NAALADL2: variants seen among roughly 807,000 people sequenced by gnomAD.
NAALADL2 encodes N-acetylated alpha-linked acidic dipeptidase like 2, also known as inactive N-acetylated-alpha-linked acidic dipeptidase-like protein 2.
Under a neutral mutation model 87.2 loss-of-function variants are expected in NAALADL2, and 76 were observed. The ratio of observed to expected loss-of-function variants is 0.87; its 90% CI spans 0.72 to 1.05. The LOEUF (loss-of-function observed/expected upper bound fraction) is 1.05. NAALADL2 is among the 50% of genes least tolerant of loss of function. The pLI is 0.00. For synonymous variants in NAALADL2, 354 were observed against 331.0 expected (o/e 1.07, Z -0.75); for missense variants, 1,089 against 945.8 (o/e 1.15, Z -1.99).
chr3:175,547,625 C>T (rs1344078815), intron 9 of NAALADL2, among the ~76,000 whole-genome samples: 2 of 152,038 alleles, frequency 1.3e-5, no homozygotes, highest in East Asian at 1.9e-4. Context: ...AATAGACAAC[C>T]TGAAGAATGG....
chr3:175,698,948 T>A (rs992366418), intron 11 of NAALADL2, among the ~76,000 whole-genome samples: 1 of 152,098 alleles, frequency 6.6e-6, no homozygotes, highest in South Asian at 2.1e-4. Flanking sequence ...AATTCAGTAA[T>A]ATACAACAAC....
intron 1 of NAALADL2, among the ~76,000 whole-genome samples, chr3:174,932,154 C>T (rs1007295629): frequency 4.6e-5 from 7 of 152,130 alleles, no homozygotes; most frequent in Non-Finnish European, 8.8e-5. Context: ...TGCAGTGTTT[C>T]TTTCACCATA....
intron 1 of NAALADL2, chr3:174,536,634 A>G (rs1308557790): frequency 6.6e-6 from 1 of 152,166 alleles, no homozygotes; most frequent in Non-Finnish European, 1.5e-5. Flanking sequence ...TCCCAGCTGG[A>G]CGTTCAAAAT....
rs534570649 is a variant in NAALADL2, at chr3:174,590,339, A to G, written c.-115+39702A>G. On this transcript the variant is annotated intron_variant, in intron 2 of 3. Transcript: ENST00000434257. ...TCTGCCTTTTATCCTGGTATTTAAA[A>G]TAATGTAGTATTTAGCATCTATGCA... Among the ~76,000 whole-genome samples, 7 of 152,290 alleles carry G rather than the reference A, an allele frequency of 4.6e-5. No homozygotes were observed. The South Asian group carries it at 1.2e-3, about 27-fold the overall frequency.
At chr3:175,176,695 G>A (rs533679173) in intron 2 of NAALADL2, among the ~76,000 whole-genome samples, 49 of 152,176 alleles carry the variant, frequency 3.2e-4, no homozygotes, top group South Asian at 2.7e-3. Context: ...GGTCAGAGAG[G>A]AAGGGAGAAT....
At chr3:174,806,616 C>T (rs552154804) in intron 3 of NAALADL2, among the ~76,000 whole-genome samples, 11 of 152,266 alleles carry the variant, frequency 7.2e-5, no homozygotes, top group African/African-American at 2.4e-4. Flanking sequence ...GACAGCAAAA[C>T]AGAGATTTGT....
intron 3 of NAALADL2, among the ~76,000 whole-genome samples, chr3:174,852,009 A>C (rs183038021): frequency 1.4e-4 from 22 of 152,280 alleles, no homozygotes; most frequent in African/African-American, 4.8e-4. Flanking sequence ...CCCAAAAAGT[A>C]CTTGGTAAAA....
chr3:174,960,055 C>CA (rs1741749600), intron 1 of NAALADL2, among the ~76,000 whole-genome samples: 1 of 152,010 alleles, frequency 6.6e-6, no homozygotes, highest in African/African-American at 2.4e-5. Context: ...AAGTTGGCTG[C>CA]AGACCCCGTA....
intron 2 of NAALADL2, among the ~76,000 whole-genome samples, chr3:175,189,746 G>A (rs77143828): frequency 0.023 from 3,501 of 152,214 alleles, 131 homozygotes; most frequent in African/African-American, 0.079. Flanking sequence ...CATAAAAGAT[G>A]TTGAATAGCC....
At chr3:175,325,405 T>C (rs909255511) in intron 5 of NAALADL2, among the ~76,000 whole-genome samples, 3 of 152,240 alleles carry the variant, frequency 2.0e-5, no homozygotes, top group Non-Finnish European at 2.9e-5. Context: ...CTGTACTTTG[T>C]ACAGTCCCAT....
chr3:175,131,607 T>G (rs1429010115), intron 2 of NAALADL2, among the ~76,000 whole-genome samples: 2 of 152,342 alleles, frequency 1.3e-5, no homozygotes, highest in East Asian at 3.9e-4. Flanking sequence ...CCGCTTTCTA[T>G]TCCACAAAAC....
chr3:174,514,336 A>C (rs1010922898), intron 1 of NAALADL2, among the ~76,000 whole-genome samples: 1 of 152,194 alleles, frequency 6.6e-6, no homozygotes, highest in African/African-American at 2.4e-5. Context: ...AAGAGCAACA[A>C]CAAAGTCTCT....
intron 3 of NAALADL2, among the ~76,000 whole-genome samples, chr3:174,804,841 G>C (rs547287797): frequency 4.6e-5 from 7 of 152,108 alleles, no homozygotes; most frequent in African/African-American, 1.7e-4. Flanking sequence ...AGAGTAATTT[G>C]TATTAATATA....
intron 2 of NAALADL2, among the ~76,000 whole-genome samples, chr3:174,698,243 T>A (rs918806973): frequency 4.3e-5 from 6 of 139,644 alleles, no homozygotes. Flanking sequence ...TTAATCTGTT[T>A]CCATATTTTT....
Position 175,236,598 on chromosome 3 carries a change from G to T in NAALADL2, c.819+2394G>T, listed in dbSNP as rs1745931119. 4.0e-5 allele frequency among the ~76,000 whole-genome samples: 6 copies of T among 150,014 alleles called. No individual in the cohort carries two copies. The South Asian group carries it at 1.3e-3, about 32-fold the overall frequency. On this transcript the variant is annotated intron_variant, in intron 3 of 13. Transcript: ENST00000454872. ...AAAAGCGGGGGTGGGTATATTAACA[G>T]ATATTGTATACTTCTAATTTCTGAT...
chr3:175,420,667 C>T (rs1581808288), intron 5 of NAALADL2, among the ~76,000 whole-genome samples: 1 of 151,930 alleles, frequency 6.6e-6, no homozygotes, highest in Non-Finnish European at 1.5e-5. Flanking sequence ...TTCTAATGAC[C>T]ATATTGGAAA....
intron 1 of NAALADL2, among the ~76,000 whole-genome samples, chr3:174,916,408 A>T (rs75264214): frequency 1.3e-5 from 2 of 152,122 alleles, no homozygotes; most frequent in African/African-American, 4.8e-5. Flanking sequence ...AAAAAGACAC[A>T]TGCACACACA....
At chr3:174,487,003 T>C (rs1176790330) in intron 1 of NAALADL2, among the ~76,000 whole-genome samples, 1 of 151,974 alleles carries the variant, frequency 6.6e-6, no homozygotes, top group African/African-American at 2.4e-5. Flanking sequence ...AGGCCTTTTT[T>C]GGTGTTTTTT....
Position 175,741,790 on chromosome 3 carries a change from C to T in NAALADL2, c.1990+4391C>T, listed in dbSNP as rs147018694. ...ATCACTAGGTTGATGGTTGAGACAC[C>T]TATAACAAAAGACACATTAACAAGT... On this transcript the variant is annotated intron_variant, in intron 12 of 13. Coordinates refer to ENST00000454872, the MANE Select transcript of NAALADL2 (RefSeq NM_207015.3). Among the ~76,000 whole-genome samples, 51 of 152,078 alleles carry T rather than the reference C, an allele frequency of 3.4e-4. No individual in the cohort carries two copies. In the East Asian group the frequency reaches 9.3e-3, roughly 28 times the overall value.
Sources: gnomAD v4.1 joint callset for allele counts (sites outside exome capture counted in the v4.1 genomes callset) on GRCh38, gnomAD v4.1.1 for gene constraint, MANE v1.5 for transcripts, NCBI Gene and HGNC (gene_info 2026-07-23, HGNC 2026-07-21) for gene names.